The following FLVCR2 variants were observed in gnomAD, a reference collection of about 807,000 sequenced individuals.
FLVCR2 encodes the protein FLVCR choline and putative heme transporter 2.
A neutral mutation model predicts 48.9 loss-of-function variants in FLVCR2; 38 were observed. The ratio of observed to expected loss-of-function variants is 0.78; its 90% CI spans 0.60 to 1.02. The LOEUF is 1.02. FLVCR2 is among the 50% of genes least tolerant of loss of function. The pLI, the probability that FLVCR2 is intolerant of heterozygous loss-of-function variation, is 0.00. For synonymous variants in FLVCR2, 255 were observed against 257.0 expected, an observed-to-expected ratio of 0.99 and a Z score of 0.07; for missense variants, 664 against 663.3, an observed-to-expected ratio of 1.00 and a Z score of -0.01.
At chr14:75,609,865 G>T (rs1413571967) in intron 1 of FLVCR2, among the ~76,000 whole-genome samples, 1 of 148,462 alleles carries the variant, frequency 6.7e-6, no homozygotes, top group Non-Finnish European at 1.5e-5. Context: ...TGTTTTATCT[G>T]TCAAAGGTCA....
chr14:75,601,894 A>G (rs1003204641), intron 1 of FLVCR2, among the ~76,000 whole-genome samples: 4 of 152,224 alleles, frequency 2.6e-5, no homozygotes, highest in Admixed American at 2.6e-4. Context: ...AATATATAAA[A>G]AACTTCTGGC....
At chr14:75,592,366 C>T (rs1167284954) in intron 1 of FLVCR2, among the ~76,000 whole-genome samples, 1 of 152,100 alleles carries the variant, frequency 6.6e-6, no homozygotes, top group East Asian at 1.9e-4. Context: ...CAGTGGTATC[C>T]CACCATTCTG....
At chr14:75,596,033 A>G (rs1889010466) in intron 1 of FLVCR2, 2 of 1,346,912 alleles carry the variant, frequency 1.5e-6, no homozygotes, top group Non-Finnish European at 1.1e-6. Context: ...TTTTGAATGC[A>G]AATACAAAGA....
At chr14:75,621,350 G>A (rs1290069264) in intron 1 of FLVCR2, among the ~76,000 whole-genome samples, 1 of 151,576 alleles carries the variant, frequency 6.6e-6, no homozygotes, top group African/African-American at 2.4e-5. Context: ...GGAGGCTGCA[G>A]TGAGCCGAGA....
In FLVCR2 at chr14:75,579,223, G is replaced by A. The variant is rs534378451; in HGVS notation, c.251G>A (p.Arg84His). Residue 84 changes from arginine to histidine, a missense_variant, in exon 1 of 10, where the codon CGT becomes CAT. Arg to His is a conservative substitution (Grantham distance 29). Transcript: ENST00000238667. Reference sequence around the variant, plus strand: ...AGCGTGATCAAGGTGAGCAGGCGCCGTTGGGCCGTGGTCCTGGTGTTTAGC... The same window carrying A: ...AGCGTGATCAAGGTGAGCAGGCGCCATTGGGCCGTGGTCCTGGTGTTTAGC... ...DLSVIKVSRR[R>H]WAVVLVFSCY... is the part of the protein sequence containing the mutation. The A allele has an allele frequency of 1.2e-6, 2 of 1,614,240 alleles. No homozygotes were observed. Among genetic ancestry groups the A allele is most frequent in the Non-Finnish European group, 1.7e-6 (2 of 1,180,042 alleles).
In FLVCR2 at chr14:75,579,262, G is replaced by C. The variant is rs1437346931; in HGVS notation, c.290G>C (p.Cys97Ser). Residue 97 changes from cysteine to serine, a missense_variant, in exon 1 of 10, where the codon TGC (cysteine) becomes TCC (serine). Cys to Ser is a moderately radical substitution (Grantham distance 112). Transcript: ENST00000238667. ...CTGGTGTTTAGCTGCTACTCCATGT[G>C]CAACTCCTTTCAGTGGATCCAGTAC... is the stretch of plus-strand genomic sequence containing the variant. Reference protein sequence around the residue: ...VVLVFSCYSMCNSFQWIQYGS... With the variant: ...VVLVFSCYSMSNSFQWIQYGS... 1.9e-6 allele frequency: 3 copies of C among 1,614,114 alleles called. No homozygotes were observed. The highest frequency in any genetic ancestry group is 2.5e-6 in the Non-Finnish European group (3 of 1,180,056).
At chr14:75,591,086 C>G (rs1242983831) in intron 1 of FLVCR2, among the ~76,000 whole-genome samples, 1 of 152,216 alleles carries the variant, frequency 6.6e-6, no homozygotes, top group East Asian at 1.9e-4. Flanking sequence ...CTCTTTCACC[C>G]AGGCTGGACT....
chr14:75,628,119 A>G (rs1031331628), intron 3 of FLVCR2, among the ~76,000 whole-genome samples: 3 of 151,426 alleles, frequency 2.0e-5, no homozygotes, highest in African/African-American at 7.3e-5. Flanking sequence ...AAAAACAAAA[A>G]CAATTTTTTT....
chr14:75,637,668 G>A (rs575944202), intron 5 of FLVCR2, among the ~76,000 whole-genome samples: 138 of 150,714 alleles, frequency 9.2e-4, no homozygotes, highest in African/African-American at 3.0e-3. Context: ...GGCGGAGCTT[G>A]CAGTGAGCAG....
intron 1 of FLVCR2, among the ~76,000 whole-genome samples, chr14:75,603,132 G>A (rs1465402174): frequency 6.6e-6 from 1 of 152,156 alleles, no homozygotes; most frequent in Non-Finnish European, 1.5e-5. Context: ...TGATGATAGG[G>A]ACAGGAGGCA....
chr14:75,619,477 TCATC>T (rs34627368), intron 1 of FLVCR2, among the ~76,000 whole-genome samples: 4,156 of 150,860 alleles, frequency 0.028, 160 homozygotes, highest in African/African-American at 0.083. Context: ...GTTCATCTGC[TCATC>T]CATCCATCCA....
At chr14:75,644,872 C>G (rs1189645684) in intron 9 of FLVCR2, among the ~76,000 whole-genome samples, 2 of 152,144 alleles carry the variant, frequency 1.3e-5, no homozygotes, top group African/African-American at 4.8e-5. Context: ...GATGGGACTT[C>G]TGGGACAGGG....
Position 75,588,759 on chromosome 14 carries a change from G to T in FLVCR2, c.669+9118G>T, listed in dbSNP as rs190591248. Among the ~76,000 whole-genome samples, 362 of 152,260 alleles carry T rather than the reference G, an allele frequency of 2.4e-3. 9 individuals are homozygous for T. The South Asian group carries it at 0.059, about 25-fold the overall frequency. ...CTCCCAAAGTGTTTGGATTACAGGC[G>T]TGAGCCACTGCACCTGGCCCCCCAA... On this transcript the variant is annotated intron_variant, in intron 1 of 9. Transcript: ENST00000238667.
intron 1 of FLVCR2, among the ~76,000 whole-genome samples, chr14:75,581,045 G>A (rs1056235297): frequency 1.3e-5 from 2 of 151,768 alleles, no homozygotes; most frequent in African/African-American, 4.9e-5. Context: ...GGACTGCTTC[G>A]AGCGGGATTA....
chr14:75,581,588 CT>C (rs978156685), intron 1 of FLVCR2, among the ~76,000 whole-genome samples: 1 of 152,148 alleles, frequency 6.6e-6, no homozygotes, highest in Non-Finnish European at 1.5e-5. Context: ...GGAATTATGT[CT>C]GACAGAAGGG....
intron 3 of FLVCR2, among the ~76,000 whole-genome samples, chr14:75,630,591 C>T (rs1214234947): frequency 6.6e-6 from 1 of 152,124 alleles, no homozygotes; most frequent in Admixed American, 6.5e-5. Context: ...CTTGATGGCT[C>T]ACACCTGTAA....
chr14:75,608,243 G>C (rs763984700), intron 1 of FLVCR2, among the ~76,000 whole-genome samples: 6 of 152,164 alleles, frequency 3.9e-5, no homozygotes, highest in African/African-American at 7.2e-5. Flanking sequence ...CCTTACCGTA[G>C]GAGACTCTCT....
chr14:75,633,822 T>C (rs1394232986), intron 4 of FLVCR2, 126 bp downstream of exon 4: 4 of 801,444 alleles, frequency 5.0e-6, no homozygotes, highest in South Asian at 1.4e-5. Flanking sequence ...TATGGTGGTA[T>C]GCTTATGGGA....
At chr14:75,643,021 C>A (rs7140617) in intron 9 of FLVCR2, among the ~76,000 whole-genome samples, 104,856 of 151,988 alleles carry the variant, frequency 0.69, 36,784 homozygotes, top group Non-Finnish European at 0.74. Context: ...GCCACTATGC[C>A]TAGCTAATGT....
Sources: gnomAD v4.1 joint callset for allele counts (sites outside exome capture counted in the v4.1 genomes callset) on GRCh38, gnomAD v4.1.1 for gene constraint, MANE v1.5 for transcripts, NCBI Gene and HGNC (gene_info 2026-07-23, HGNC 2026-07-21) for gene names.